PRKCH: variants seen among roughly 807,000 people sequenced by gnomAD.
PRKCH encodes protein kinase C eta, also known as protein kinase C eta type.
A neutral mutation model predicts 82.5 loss-of-function variants in PRKCH; 28 were observed. The ratio of observed to expected loss-of-function variants is 0.34; its 90% CI spans 0.25 to 0.47. The LOEUF (loss-of-function observed/expected upper bound fraction) is 0.47. Ranked by LOEUF, PRKCH falls within the 20% of genes least tolerant of loss-of-function variation. PRKCH has a pLI of 1.00. For synonymous variants in PRKCH, 322 were observed against 327.4 expected (o/e 0.98, Z 0.18); for missense variants, 705 against 881.8 (o/e 0.80, Z 2.54).
At chr14:61,212,842 G>C (rs1293620768) in intron 1 of PRKCH, among the ~76,000 whole-genome samples, 3 of 152,214 alleles carry the variant, frequency 2.0e-5, no homozygotes, top group Non-Finnish European at 4.4e-5. Flanking sequence ...AGCACTGAGT[G>C]CTCCGTGAGC....
Position 61,381,988 on chromosome 14 carries a change from T to C in PRKCH, c.364-9237T>C, listed in dbSNP as rs1011743525. Reference sequence around the variant, plus strand: ...TCGCTGTTTGTGTGACCTCACCCAATTCAGTAACCTCACTGAGCCTCCCTT... The same window carrying C: ...TCGCTGTTTGTGTGACCTCACCCAACTCAGTAACCTCACTGAGCCTCCCTT... On this transcript the variant is annotated intron_variant, in intron 1 of 13. Coordinates refer to ENST00000332981, the MANE Select transcript of PRKCH (RefSeq NM_006255.5). 3.4e-4 allele frequency among the ~76,000 whole-genome samples: 51 copies of C among 152,188 alleles called. 2 individuals carry two copies. Among genetic ancestry groups the C allele is most frequent in the Admixed American group, 7.2e-4 (11 of 15,280 alleles).
At chr14:61,424,727 A>G (rs532944454) in intron 2 of PRKCH, among the ~76,000 whole-genome samples, 4 of 152,358 alleles carry the variant, frequency 2.6e-5, no homozygotes, top group African/African-American at 9.6e-5. Context: ...AATGTTAATC[A>G]CCAAGACAAT....
intron 1 of PRKCH, among the ~76,000 whole-genome samples, chr14:61,201,812 A>T (rs1241745446): frequency 1.3e-5 from 2 of 152,196 alleles, no homozygotes; most frequent in African/African-American, 4.8e-5. Context: ...TGAAGTTGAT[A>T]AGCAAAGAAA....
chr14:61,455,855 G>A (rs1884742269), intron 7 of PRKCH, among the ~76,000 whole-genome samples: 1 of 152,126 alleles, frequency 6.6e-6, no homozygotes, highest in Admixed American at 6.5e-5. Context: ...AACATCCTCA[G>A]GTACTCAGTA....
upstream of PRKCH, among the ~76,000 whole-genome samples, chr14:61,317,985 A>G (rs1324090876): frequency 6.6e-6 from 1 of 152,108 alleles, no homozygotes; most frequent in Non-Finnish European, 1.5e-5. Context: ...ATGTATCAAG[A>G]TATATCAAAC....
intron 10 of PRKCH, among the ~76,000 whole-genome samples, chr14:61,505,730 T>C (rs1033730852): frequency 6.6e-6 from 1 of 152,116 alleles, no homozygotes; most frequent in African/African-American, 2.4e-5. Flanking sequence ...CTTCATGACC[T>C]AGCCACCTCC....
intron 1 of PRKCH, among the ~76,000 whole-genome samples, chr14:61,327,932 A>G (rs920287277): frequency 3.3e-5 from 5 of 152,214 alleles, no homozygotes; most frequent in African/African-American, 4.8e-5. Context: ...TAAATCAATC[A>G]ATGACATACC....
chr14:61,241,157 A>G (rs1365474263), intron 1 of PRKCH, among the ~76,000 whole-genome samples: 1 of 152,162 alleles, frequency 6.6e-6, no homozygotes, highest in Non-Finnish European at 1.5e-5. Context: ...ACTTACTTAC[A>G]TTTACTGGTT....
intron 1 of PRKCH, among the ~76,000 whole-genome samples, chr14:61,374,471 G>C (rs947103728): frequency 1.3e-5 from 2 of 152,016 alleles, no homozygotes; most frequent in Non-Finnish European, 2.9e-5. Context: ...TCACCATGAG[G>C]GCTCCATCCC....
At chr14:61,492,553 T>C (rs909606114) in intron 10 of PRKCH, among the ~76,000 whole-genome samples, 1 of 152,244 alleles carries the variant, frequency 6.6e-6, no homozygotes, top group South Asian at 2.1e-4. Flanking sequence ...TGTTTCAGTC[T>C]TCAACTTACA....
At chr14:61,202,183 T>C (rs1276314841) in intron 1 of PRKCH, among the ~76,000 whole-genome samples, 3 of 152,196 alleles carry the variant, frequency 2.0e-5, no homozygotes, top group Non-Finnish European at 2.9e-5. Context: ...CCAGTGGTCT[T>C]GGGTTCTTTT....
rs762640052 is a variant in PRKCH at position 61,322,484 on chromosome 14, T to C, written c.363+20T>C. 2.5e-6 allele frequency: 4 copies of C among 1,578,124 alleles called. No homozygotes were observed. Among genetic ancestry groups the C allele is most frequent in the Non-Finnish European group, 2.6e-6 (3 of 1,155,022 alleles). On this transcript the variant is annotated intron_variant, in intron 1 of 13. Transcript: ENST00000332981. ...GGTTGGGTGAGTAGCGGTGACCCCT[T>C]CCCTTTGTGTCCACCCAACCCCCGT...
intron 2 of PRKCH, among the ~76,000 whole-genome samples, chr14:61,428,489 T>C (rs1249445891): frequency 6.6e-6 from 1 of 152,084 alleles, no homozygotes; most frequent in East Asian, 1.9e-4. Flanking sequence ...ATTCAGTCAG[T>C]AGGGGGAGCT....
At chr14:61,403,999 C>T (rs935098182) in intron 2 of PRKCH, among the ~76,000 whole-genome samples, 4 of 152,182 alleles carry the variant, frequency 2.6e-5, no homozygotes, top group Non-Finnish European at 4.4e-5. Flanking sequence ...TATCTCTCTG[C>T]TCTCTTTGTT....
chr14:61,502,889 A>G (rs961487303), intron 10 of PRKCH, among the ~76,000 whole-genome samples: 6 of 151,998 alleles, frequency 3.9e-5, no homozygotes, highest in Non-Finnish European at 8.8e-5. Context: ...AGAGGAAGGC[A>G]GGTGACACTG....
At chr14:61,449,404 C>T (rs1884381732) in intron 5 of PRKCH, 152 bp downstream of exon 5, 6 of 651,726 alleles carry the variant, frequency 9.2e-6, no homozygotes, top group East Asian at 2.8e-5. Context: ...ACCTCCCTTC[C>T]ACATTCTTTG....
intron 13 of PRKCH, 28 bp downstream of exon 13, chr14:61,547,914 A>T (rs1193664597): frequency 6.2e-7 from 1 of 1,607,052 alleles, no homozygotes; most frequent in Admixed American, 1.7e-5. Flanking sequence ...TCACAGAGAC[A>T]TTCCTTTCTT....
At position 61,280,189 on chromosome 14, in the gene PRKCH, G is replaced by A; in HGVS notation, c.-19+92521G>A. 2 of 1,614,146 alleles carry A rather than the reference G, an allele frequency of 1.2e-6. No individual in the cohort carries two copies. Among genetic ancestry groups the A allele is most frequent in the Non-Finnish European group, 1.7e-6 (2 of 1,180,014 alleles). The stretch of plus-strand genomic sequence containing the variant: ...GCAGAGGGAGCCGACGACCAGGTAG[G>A]CGATGCCCAGGAAGGGGTTCTTGCC... On this transcript the variant is annotated intron_variant, in intron 1 of 3. Coordinates refer to the PRKCH transcript ENST00000555185. The surrounding 1 kb of genome is among the most constrained non-coding windows in gnomAD (Gnocchi z 5.0).
intron 1 of PRKCH, among the ~76,000 whole-genome samples, chr14:61,283,100 G>A (rs1594890624): frequency 6.6e-6 from 1 of 151,672 alleles, no homozygotes; most frequent in African/African-American, 2.4e-5. Context: ...AAACTCTTGA[G>A]CCCAAGAGAT....
Sources: gnomAD v4.1 joint callset for allele counts (sites outside exome capture counted in the v4.1 genomes callset) on GRCh38, gnomAD v4.1.1 for gene constraint, Gnocchi (gnomAD v3.1) non-coding constraint, MANE v1.5 for transcripts, NCBI Gene and HGNC (gene_info 2026-07-23, HGNC 2026-07-21) for gene names.